CSMD1: variants seen among roughly 807,000 people sequenced by gnomAD.
CSMD1 encodes the protein CUB and sushi domain-containing protein 1.
A neutral mutation model predicts 417.5 loss-of-function variants in CSMD1; 213 were observed. The observed-to-expected ratio is 0.51, with a 90% CI of 0.46 to 0.57. The LOEUF is 0.57. CSMD1 is among the 20% of genes least tolerant of loss of function. The pLI is 0.00. For missense variants in CSMD1, 6,923 were observed against 4,529.7 expected (o/e 1.53, Z -15.17); for synonymous variants, 2,862 against 1,736.8 (o/e 1.65, Z -16.11).
At chr8:4,217,687 G>C (rs1800765898) in intron 3 of CSMD1, among the ~76,000 whole-genome samples, 1 of 151,518 alleles carries the variant, frequency 6.6e-6, no homozygotes, top group South Asian at 2.1e-4. Flanking sequence ...AGCTAATTTT[G>C]TTGTCTGAAT....
chr8:4,431,873 A>T (rs936728021), intron 2 of CSMD1, among the ~76,000 whole-genome samples: 3 of 152,216 alleles, frequency 2.0e-5, no homozygotes, highest in Admixed American at 6.5e-5. Context: ...AATAAAATTT[A>T]TTATATATAC....
At chr8:3,877,492 G>C (rs1471567551) in intron 5 of CSMD1, among the ~76,000 whole-genome samples, 4 of 152,226 alleles carry the variant, frequency 2.6e-5, no homozygotes, top group African/African-American at 7.2e-5. Context: ...TCTAAGACGA[G>C]GGAGGAAATT....
chr8:3,980,349 G>A (rs187320282), intron 5 of CSMD1, among the ~76,000 whole-genome samples: 1 of 150,830 alleles, frequency 6.6e-6, no homozygotes. Flanking sequence ...AGATAATCCT[G>A]AATTTCAGCT....
chr8:4,023,444 C>G (rs9644281), intron 4 of CSMD1, among the ~76,000 whole-genome samples: 2 of 152,146 alleles, frequency 1.3e-5, no homozygotes, highest in East Asian at 1.9e-4. Context: ...CAGCACTCAT[C>G]TAGACTCTGG....
intron 6 of CSMD1, among the ~76,000 whole-genome samples, chr8:3,744,752 G>T (rs1272757613): frequency 6.6e-6 from 1 of 152,228 alleles, no homozygotes; most frequent in Non-Finnish European, 1.5e-5. Context: ...TTAGGGTAAT[G>T]TAGGTACTCT....
At chr8:3,771,171 T>C (rs970182459) in intron 5 of CSMD1, among the ~76,000 whole-genome samples, 8 of 151,916 alleles carry the variant, frequency 5.3e-5, no homozygotes, top group African/African-American at 1.7e-4. Context: ...TATGACTTGG[T>C]GCACTTTGGG....
intron 6 of CSMD1, among the ~76,000 whole-genome samples, chr8:3,733,568 C>G (rs1439370422): frequency 1.3e-5 from 2 of 151,970 alleles, no homozygotes; most frequent in Non-Finnish European, 2.9e-5. Flanking sequence ...AAGTTGCGGG[C>G]CATTCTTCGA....
intron 3 of CSMD1, among the ~76,000 whole-genome samples, chr8:4,361,261 G>T (rs936299210): frequency 6.6e-6 from 1 of 152,052 alleles, no homozygotes. Flanking sequence ...AGGCGTAAAA[G>T]AAAATATTAC....
chr8:4,768,309 A>T (rs1032707931), intron 1 of CSMD1, among the ~76,000 whole-genome samples: 1 of 151,906 alleles, frequency 6.6e-6, no homozygotes, highest in Admixed American at 6.6e-5. Flanking sequence ...ACTCATTCGT[A>T]TACTCGCCTA....
intron 5 of CSMD1, among the ~76,000 whole-genome samples, chr8:3,865,554 A>C (rs1270683199): frequency 1.3e-5 from 2 of 152,070 alleles, no homozygotes; most frequent in Non-Finnish European, 2.9e-5. Flanking sequence ...CCAAGCAGGC[A>C]CGTACAGTGG....
intron 3 of CSMD1, among the ~76,000 whole-genome samples, chr8:4,414,471 G>T (rs907932774): frequency 6.6e-6 from 1 of 152,070 alleles, no homozygotes; most frequent in African/African-American, 2.4e-5. Context: ...TGTTTGTGAG[G>T]ATTAAATTTC....
At chr8:3,005,245 G>T (rs575356509) in intron 52 of CSMD1, among the ~76,000 whole-genome samples, 11 of 152,188 alleles carry the variant, frequency 7.2e-5, no homozygotes, top group African/African-American at 1.7e-4. Context: ...GAATTTGAAC[G>T]TCTTTCCTGA....
intron 5 of CSMD1, among the ~76,000 whole-genome samples, chr8:3,821,367 C>A (rs1462619732): frequency 6.6e-6 from 1 of 152,200 alleles, no homozygotes; most frequent in African/African-American, 2.4e-5. Flanking sequence ...CTAAGACTGG[C>A]AGCGCAGGTT....
intron 50 of CSMD1, among the ~76,000 whole-genome samples, chr8:3,039,880 CCCAATATCAAA>C (rs1810975735): frequency 6.6e-6 from 1 of 152,068 alleles, no homozygotes; most frequent in Admixed American, 6.6e-5. Flanking sequence ...ATTTGCCGTC[CCCAATATCAAA>C]CCAAACGTGT....
intron 3 of CSMD1, among the ~76,000 whole-genome samples, chr8:4,287,333 C>A (rs1285174872): frequency 1.3e-5 from 2 of 152,124 alleles, no homozygotes; most frequent in Non-Finnish European, 2.9e-5. Flanking sequence ...GGAGAAGTTA[C>A]TTTAATGATA....
chr8:3,214,420 T>C (rs966988037), intron 30 of CSMD1, 77 bp downstream of exon 30: 1 of 1,262,702 alleles, frequency 7.9e-7, no homozygotes, highest in African/African-American at 1.5e-5. Context: ...TGTTGAAATG[T>C]GAAACCATTT....
Position 3,536,343 on chromosome 8 carries a change from G to A in CSMD1, c.1344+38602C>T, listed in dbSNP as rs906644127. Among the ~76,000 whole-genome samples the A allele has an allele frequency of 2.6e-5, 4 of 152,180 alleles. No individual in the cohort carries two copies. The South Asian group carries it at 8.3e-4, about 31-fold the overall frequency. On this transcript the variant is annotated intron_variant, in intron 10 of 69. Coordinates refer to ENST00000635120, the MANE Select transcript of CSMD1 (RefSeq NM_033225.6). The stretch of plus-strand genomic sequence containing the variant: ...ATGGCAGCCTGTGGCTTCAATTAAT[G>A]TTAACACTTAAGTGAGGGTGTCAGA...
rs74385861 is a variant in CSMD1, at chr8:4,477,448, A to C, written c.303-57383T>G. ...GGGGGCTCAGAAACTGAGTCTGGTAAAACACATGATTTTCAGATATTTATA... is the reference window on the plus strand; with the variant it reads ...GGGGGCTCAGAAACTGAGTCTGGTACAACACATGATTTTCAGATATTTATA... On this transcript the variant is annotated intron_variant, in intron 2 of 69. Transcript: ENST00000635120. 2.8e-3 allele frequency among the ~76,000 whole-genome samples: 425 copies of C among 152,318 alleles called. 2 individuals carry two copies. The highest frequency in any genetic ancestry group is 9.8e-3 in the African/African-American group (407 of 41,582).
At chr8:4,590,541 C>A (rs1799935195) in intron 2 of CSMD1, among the ~76,000 whole-genome samples, 1 of 151,990 alleles carries the variant, frequency 6.6e-6, no homozygotes, top group African/African-American at 2.4e-5. Flanking sequence ...GGAATTATGA[C>A]ACCTCTCCCT....
Sources: allele counts gnomAD v4.1 joint callset (sites outside exome capture counted in the v4.1 genomes callset), GRCh38; gene constraint gnomAD v4.1.1; transcripts MANE v1.5; gene names NCBI Gene and HGNC (gene_info 2026-07-23, HGNC 2026-07-21).